The following ZFHX3 variants were observed in gnomAD, a reference collection of about 807,000 sequenced individuals.
The protein encoded by ZFHX3 is zinc finger homeobox 3, also known as zinc finger homeobox protein 3.
In ZFHX3, 42 loss-of-function variants were observed where a neutral mutation model predicts 279.1. That is an observed-to-expected ratio of 0.15 (90% CI 0.12 to 0.19). The LOEUF is 0.19. Ranked by LOEUF, ZFHX3 falls within the 10% of genes least tolerant of loss-of-function variation. ZFHX3 has a pLI of 1.00. For missense variants in ZFHX3, 4,981 were observed against 4,754.0 expected, an observed-to-expected ratio of 1.05 and a Z score of -1.40; for synonymous variants, 2,293 against 1,957.8, an observed-to-expected ratio of 1.17 and a Z score of -4.52.
chr16:73,279,818 T>G (rs2014410726), intron 4 of ZFHX3, among the ~76,000 whole-genome samples: 1 of 152,200 alleles, frequency 6.6e-6, no homozygotes, highest in Non-Finnish European at 1.5e-5. Context: ...AAGCAATCAG[T>G]AGCTCCACAA....
chr16:73,364,693 T>C (rs2016499120), intron 3 of ZFHX3, among the ~76,000 whole-genome samples: 1 of 152,168 alleles, frequency 6.6e-6, no homozygotes, highest in Admixed American at 6.5e-5. Flanking sequence ...TTTTGAGGAC[T>C]TGGGACTGAG....
At chr16:73,422,266 G>A (rs187829145) in intron 3 of ZFHX3, among the ~76,000 whole-genome samples, 47 of 151,762 alleles carry the variant, frequency 3.1e-4, no homozygotes, top group Admixed American at 2.7e-3. Context: ...CCTTGAATGG[G>A]GTCATCTGTC....
intron 2 of ZFHX3, chr16:73,487,457 C>T (rs985513765): frequency 2.5e-5 from 11 of 439,794 alleles, no homozygotes; most frequent in African/African-American, 4.1e-5. Flanking sequence ...GGCTGGAGTG[C>T]CAGCATGATT....
At chr16:73,157,465 TAAA>T (rs1297201223) in intron 5 of ZFHX3, among the ~76,000 whole-genome samples, 4 of 76,512 alleles carry the variant, frequency 5.2e-5, no homozygotes, top group African/African-American at 5.9e-5. Flanking sequence ...GAATGTTTGG[TAAA>T]AAAAAAAAAA....
At chr16:73,310,096 A>C (rs1348338500) in intron 4 of ZFHX3, among the ~76,000 whole-genome samples, 1 of 151,734 alleles carries the variant, frequency 6.6e-6, no homozygotes, top group African/African-American at 2.4e-5. Flanking sequence ...TTTAGTAGAG[A>C]CAGGGTTTCA....
intron 3 of ZFHX3, among the ~76,000 whole-genome samples, chr16:72,896,279 T>G (rs1255978771): frequency 6.6e-6 from 1 of 152,156 alleles, no homozygotes; most frequent in African/African-American, 2.4e-5. Flanking sequence ...TTAGGGCTAC[T>G]CATGTTTTAA....
chr16:73,266,604 G>T (rs536142345), intron 4 of ZFHX3, among the ~76,000 whole-genome samples: 1 of 152,238 alleles, frequency 6.6e-6, no homozygotes, highest in East Asian at 1.9e-4. Context: ...TTGGTGATGT[G>T]GTTTGGCTGC....
chr16:73,088,154 C>A (rs78316753), intron 8 of ZFHX3, among the ~76,000 whole-genome samples: 1 of 137,274 alleles, frequency 7.3e-6, no homozygotes, highest in Admixed American at 7.4e-5. Flanking sequence ...TTTTTTTTTT[C>A]TTTTTTTTTG....
chr16:73,381,686 C>T (rs1001066066), intron 3 of ZFHX3, among the ~76,000 whole-genome samples: 9 of 152,090 alleles, frequency 5.9e-5, no homozygotes, highest in African/African-American at 1.7e-4. Context: ...TTTTGGCTTC[C>T]CTGGGCCACA....
At chr16:73,534,286 T>C (rs1415142043) in intron 2 of ZFHX3, among the ~76,000 whole-genome samples, 1 of 152,214 alleles carries the variant, frequency 6.6e-6, no homozygotes. Flanking sequence ...TCTCCTTAAA[T>C]ATCCACAAAG....
chr16:73,637,661 T>G (rs1231571468), intron 2 of ZFHX3, among the ~76,000 whole-genome samples: 1 of 152,154 alleles, frequency 6.6e-6, no homozygotes, highest in Non-Finnish European at 1.5e-5. Flanking sequence ...TATTTACAAT[T>G]AAAAACTAAA....
At position 72,794,701 on chromosome 16, in the gene ZFHX3, G is replaced by C. The variant is rs767912802; in HGVS notation, c.7981C>G (p.Leu2661Val). The change falls in exon 9 of 10, where the codon CTA (leucine) becomes GTA (valine). Residue 2661 changes from leucine to valine, a missense_variant. Physicochemically the swap from Leu to Val is conservative, Grantham distance 32. Around this residue, in one of 7 missense-constraint regions of ZFHX3, gnomAD observed 744 missense variants for 701.3 expected, o/e 1.06. Transcript: ENST00000268489. The surrounding 1 kb of genome is among the most constrained non-coding windows in gnomAD (Gnocchi z 4.2). ...TTTCGAGTCGGATTGGAATCCAGTA[G>C]ATACTTCTGGTAGAGAATTTCTAGT... Reference protein sequence around the residue: ...EQLEILYQKYLLDSNPTRKML... With the variant: ...EQLEILYQKYVLDSNPTRKML... The C allele has an allele frequency of 6.2e-7, 1 of 1,614,242 alleles. No individual in the cohort carries two copies. The highest frequency in any genetic ancestry group is 8.5e-7 in the Non-Finnish European group (1 of 1,180,054).
At chr16:72,802,327 T>G (rs750549651) in intron 7 of ZFHX3, among the ~76,000 whole-genome samples, 10 of 152,160 alleles carry the variant, frequency 6.6e-5, no homozygotes, top group Non-Finnish European at 1.2e-4. Context: ...TCGCTGCGAC[T>G]TTAATCATAA....
intron 1 of ZFHX3, among the ~76,000 whole-genome samples, chr16:73,040,697 T>C (rs1308273763): frequency 6.6e-6 from 1 of 152,214 alleles, no homozygotes; most frequent in Admixed American, 6.5e-5. Flanking sequence ...AGTTTATTTC[T>C]TCCAAGGTGG....
intron 2 of ZFHX3, among the ~76,000 whole-genome samples, chr16:73,610,388 CG>C (rs1376999762): frequency 1.3e-5 from 2 of 152,106 alleles, no homozygotes; most frequent in Non-Finnish European, 2.9e-5. Flanking sequence ...ATATGAATGT[CG>C]GGTATAGGGA....
intron 3 of ZFHX3, among the ~76,000 whole-genome samples, chr16:73,393,666 A>G (rs939196637): frequency 2.0e-5 from 3 of 152,270 alleles, no homozygotes; most frequent in East Asian, 1.9e-4. Context: ...TGAATAAACT[A>G]TGAAAGTTGG....
Position 72,811,899 on chromosome 16 carries a change from C to T in ZFHX3, c.3663+6G>A, listed in dbSNP as rs778619981. 9.9e-6 allele frequency: 16 copies of T among 1,613,562 alleles called. No individual in the cohort carries two copies. The highest frequency in any genetic ancestry group is 1.3e-5 in the African/African-American group (1 of 74,874). On this transcript the variant is annotated splice_donor_region_variant and intron_variant, in intron 6 of 9. Transcript: ENST00000268489. ...TCCCCACCAGCAGAGTCCCTTCCAG[C>T]CTCACCTGCTCCGGTTTGATCTCCT...
intron 5 of ZFHX3, among the ~76,000 whole-genome samples, chr16:73,178,157 CT>C (rs967804242): frequency 1.1e-4 from 17 of 148,778 alleles, no homozygotes; most frequent in African/African-American, 2.5e-4. Flanking sequence ...ATGACTTTTT[CT>C]TTTTTTTTTG....
At chr16:73,257,078 G>T (rs1239223571) in exon 5 of ZFHX3, 1 of 152,198 alleles carries the variant, frequency 6.6e-6, no homozygotes, top group Admixed American at 6.5e-5. Flanking sequence ...GATGAAGATA[G>T]CAAGGACTCA....
Sources: allele counts gnomAD v4.1 joint callset (sites outside exome capture counted in the v4.1 genomes callset), GRCh38; gene constraint gnomAD v4.1.1; regional missense constraint gnomAD v4.1.1; non-coding constraint Gnocchi (gnomAD v3.1); transcripts MANE v1.5; gene names NCBI Gene and HGNC (gene_info 2026-07-23, HGNC 2026-07-21).